CTSC: variants seen among roughly 807,000 people sequenced by gnomAD.
The protein encoded by CTSC is cathepsin C, also known as dipeptidyl peptidase 1.
A neutral mutation model predicts 40.9 loss-of-function variants in CTSC; 37 were observed. That is an observed-to-expected ratio of 0.91 (90% CI 0.70 to 1.19). CTSC has a LOEUF of 1.19. Among genes scored for constraint, CTSC ranks in the 50% most tolerant of loss-of-function variants. CTSC has a pLI of 0.00. For synonymous variants in CTSC, 232 were observed against 207.4 expected (o/e 1.12, Z -1.02); for missense variants, 594 against 567.3 (o/e 1.05, Z -0.48).
At chr11:88,331,213 T>C (rs1938346773) in intron 2 of CTSC, among the ~76,000 whole-genome samples, 1 of 152,178 alleles carries the variant, frequency 6.6e-6, no homozygotes, top group African/African-American at 2.4e-5. Flanking sequence ...ACTCCAATGC[T>C]ACCTACCAGG....
chr11:88,309,414 T>G, intron 3 of CTSC, 96 bp from the exon 4 acceptor site: 1 of 1,051,584 alleles, frequency 9.5e-7, no homozygotes, highest in South Asian at 1.3e-5. Context: ...AAGTGGAAAG[T>G]GGTACAATCT....
intron 1 of CTSC, among the ~76,000 whole-genome samples, chr11:88,335,846 A>G (rs2134829375): frequency 6.6e-6 from 1 of 152,356 alleles, no homozygotes; most frequent in African/African-American, 2.4e-5. Flanking sequence ...AGCCCAGGAG[A>G]AGACACAAAA....
chr11:88,337,411 C>T (rs1235505601), intron 1 of CTSC, 90 bp downstream of exon 1: 6 of 1,338,324 alleles, frequency 4.5e-6, no homozygotes, highest in Non-Finnish European at 5.2e-6. Flanking sequence ...CAAGCGTCTG[C>T]CTGGGGGGAA....
intron 2 of CTSC, among the ~76,000 whole-genome samples, chr11:88,314,672 CAT>C (rs1432171527): frequency 1.3e-5 from 2 of 152,120 alleles, no homozygotes; most frequent in African/African-American, 2.4e-5. Context: ...CGACTACAGG[CAT>C]GTGCTACCAG....
At chr11:88,328,161 C>A (rs1288264952) in intron 2 of CTSC, 4 of 1,613,642 alleles carry the variant, frequency 2.5e-6, no homozygotes, top group African/African-American at 2.7e-5. Context: ...CAGTTCCCAG[C>A]TGCATGAACA....
chr11:88,298,715 C>T (rs187586014), intron 5 of CTSC: 26 of 152,292 alleles, frequency 1.7e-4, no homozygotes, highest in Admixed American at 7.8e-4. Flanking sequence ...AGCAATTAAT[C>T]CATCAAAGCC....
At chr11:88,337,349 G>A (rs2134833864) in intron 1 of CTSC, 152 bp downstream of exon 1, 1 of 762,290 alleles carries the variant, frequency 1.3e-6, no homozygotes, top group South Asian at 1.6e-5. Context: ...GCCTGGCGGG[G>A]AAGAAGGTCC....
In CTSC at chr11:88,293,903, T is replaced by C. The variant is rs1944268369; in HGVS notation, c.*103A>G. 1 of 1,326,924 alleles carries C rather than the reference T, an allele frequency of 7.5e-7. No homozygotes were observed. Among genetic ancestry groups the C allele is most frequent in the South Asian group, 1.2e-5 (1 of 84,858 alleles). 82.2% of individuals were successfully genotyped at this position (1,326,924 alleles called of 1,614,324 possible). A position where few individuals can be genotyped will look rare whatever the true frequency, so the allele number is the denominator to read the frequency against. On this transcript the variant is annotated 3_prime_UTR_variant, in exon 7 of 7. Transcript: ENST00000227266. ...AGACAAATATCTTCATGGAAATCTA[T>C]TTGTAAGCTTCTGAGATTGCTGCTG...
intron 6 of CTSC, among the ~76,000 whole-genome samples, chr11:88,295,598 C>T (rs374382844): frequency 1.3e-5 from 2 of 152,220 alleles, no homozygotes; most frequent in South Asian, 4.2e-4. Flanking sequence ...CCAGGCTGGT[C>T]TCAAACTCTA....
Position 88,337,604 on chromosome 11 carries a change from G to A in CTSC, c.69C>T (p.Arg23=), listed in dbSNP as rs1232548355. The A allele has an allele frequency of 1.9e-6, 3 of 1,580,292 alleles. No homozygotes were observed. The highest frequency in any genetic ancestry group is 2.6e-6 in the Non-Finnish European group (3 of 1,162,528). ...AGGTGCAGTTGGCAGGTGTGTCGCA[G>A]CGCACGGCGCCGTCGCCGGAGAGAA... is the stretch of plus-strand genomic sequence containing the variant. ...LLLLSGDGAV[R]CDTPANCTYL... is the part of the protein sequence containing the mutation. Residue 23 remains arginine (R), a synonymous_variant, in exon 1 of 7, where the codon CGC becomes CGT. Coordinates refer to ENST00000227266, the MANE Select transcript of CTSC (RefSeq NM_001814.6).
chr11:88,309,480 T>A (rs543756982), intron 3 of CTSC, among the ~76,000 whole-genome samples, 162 bp from the exon 4 acceptor site: 8 of 152,182 alleles, frequency 5.3e-5, no homozygotes, highest in Non-Finnish European at 1.2e-4. Context: ...TGGCATGTCT[T>A]CTCTAAAAAT....
rs1384800766 is a variant in CTSC, at chr11:88,312,390, T to G, written c.483A>C (p.Glu161Asp). 6.2e-7 allele frequency: 1 copy of G among 1,613,952 alleles called. No homozygotes were observed. The highest frequency in any genetic ancestry group is 1.3e-5 in the African/African-American group (1 of 74,930). Residue 161 changes from glutamate to aspartate, a missense_variant and splice_region_variant, in exon 3 of 7, where the codon GAA (glutamate) becomes GAC (aspartate). Physicochemically the swap from Glu to Asp is conservative, Grantham distance 45. Transcript: ENST00000227266. ...ATGTCTCATTTGTAGCAACTCACTT[T>G]TCCTGAGAATTCTTAAGGTGTGCTA... Reference protein sequence around the residue: ...VNIAHLKNSQEKYSNRLYKYD... With the variant: ...VNIAHLKNSQDKYSNRLYKYD...
At chr11:88,336,616 T>C (rs1938503287) in intron 1 of CTSC, among the ~76,000 whole-genome samples, 1 of 152,172 alleles carries the variant, frequency 6.6e-6, no homozygotes, top group Non-Finnish European at 1.5e-5. Flanking sequence ...ATTTCTTTAG[T>C]AACAAATGAC....
intron 4 of CTSC, among the ~76,000 whole-genome samples, chr11:88,308,030 C>T (rs1937670827): frequency 1.3e-5 from 2 of 152,142 alleles, no homozygotes; most frequent in African/African-American, 4.8e-5. Flanking sequence ...CATAAAACAG[C>T]TAAGAATGGG....
At chr11:88,320,689 A>C in intron 2 of CTSC, 1 of 313,700 alleles carries the variant, frequency 3.2e-6, no homozygotes, top group Non-Finnish European at 4.6e-6. Flanking sequence ...AGAATAAAAT[A>C]TAAAAGTCTA....
chr11:88,317,078 T>C (rs1937897111), intron 2 of CTSC, among the ~76,000 whole-genome samples: 1 of 152,192 alleles, frequency 6.6e-6, no homozygotes, highest in African/African-American at 2.4e-5. Flanking sequence ...GCAATTCTCC[T>C]GCCTCAGCCG....
chr11:88,302,556 G>A (rs1471693149), intron 4 of CTSC, among the ~76,000 whole-genome samples: 2 of 146,984 alleles, frequency 1.4e-5, no homozygotes, highest in African/African-American at 5.1e-5. Context: ...AACCCAGGAG[G>A]TGGAGCTTGC....
At chr11:88,298,942 CTCTTA>C (rs1397147638) in intron 5 of CTSC, 2 of 152,124 alleles carry the variant, frequency 1.3e-5, no homozygotes, top group East Asian at 1.9e-4. Context: ...CTTCTACCTT[CTCTTA>C]TGTTACCAAT....
chr11:88,332,253 TTC>T (rs781245850), intron 2 of CTSC, among the ~76,000 whole-genome samples: 2 of 152,220 alleles, frequency 1.3e-5, no homozygotes, highest in Non-Finnish European at 2.9e-5. Context: ...TTTTGATGTT[TTC>T]TCTTTTTACA....
Sources: gnomAD v4.1 joint callset for allele counts (sites outside exome capture counted in the v4.1 genomes callset) on GRCh38, gnomAD v4.1.1 for gene constraint, MANE v1.5 for transcripts, NCBI Gene and HGNC (gene_info 2026-07-23, HGNC 2026-07-21) for gene names.